Variants in HADHA observed in about 807,000 individuals in gnomAD.
HADHA encodes hydroxyacyl-CoA dehydrogenase trifunctional multienzyme complex subunit alpha.
HADHA carries 59 observed loss-of-function variants against 91.3 expected under a neutral mutation model. That is an observed-to-expected ratio of 0.65 (90% CI 0.52 to 0.80). The LOEUF is 0.80. Ranked by LOEUF, HADHA falls within the 30% of genes least tolerant of loss-of-function variation. HADHA has a pLI of 0.00. For synonymous variants in HADHA, 320 were observed against 338.9 expected (o/e 0.94, Z 0.61); for missense variants, 800 against 927.6 (o/e 0.86, Z 1.79).
chr2:26,202,967 G>A (rs1305687665), intron 12 of HADHA, among the ~76,000 whole-genome samples: 2 of 152,218 alleles, frequency 1.3e-5, no homozygotes, highest in African/African-American at 2.4e-5. Flanking sequence ...TTTCTAAGAC[G>A]AAAAGGGGAA....
At chr2:26,192,195 C>A in intron 18 of HADHA, 115 bp downstream of exon 18, 1 of 676,452 alleles carries the variant, frequency 1.5e-6, no homozygotes, top group Non-Finnish European at 2.7e-6. Context: ...CAAACCTGCA[C>A]ATGTATCCCA....
At chr2:26,218,705 A>T (rs536406828) in intron 7 of HADHA, among the ~76,000 whole-genome samples, 2 of 152,214 alleles carry the variant, frequency 1.3e-5, no homozygotes, top group South Asian at 4.1e-4. Context: ...ACACCACAGG[A>T]AAATATTATC....
intron 1 of HADHA, 147 bp from the exon 2 acceptor site, chr2:26,239,290 T>C: frequency 1.4e-6 from 1 of 692,764 alleles, no homozygotes; most frequent in South Asian, 1.6e-5. Flanking sequence ...TACTGCCATA[T>C]TTTTTCCATT....
rs138386385 is a variant in HADHA, at chr2:26,195,205, C to T, written c.1507G>A (p.Val503Met). 1.1e-5 allele frequency: 18 copies of T among 1,612,786 alleles called. No homozygotes were observed. The highest frequency in any genetic ancestry group is 1.6e-4 in the Middle Eastern group (1 of 6,084). Residue 503 changes from valine to methionine, a missense_variant, in exon 15 of 20, where the codon GTG becomes ATG. Transcript: ENST00000380649. Reference protein sequence around the residue: ...KVIGMHYFSPVDKMQLLEIIT... With the variant: ...KVIGMHYFSPMDKMQLLEIIT... ...ATCTCCAGCAGCTGCATCTTGTCCA[C>T]GGGAGAGAAGTAGTGCATGCCAATC...
chr2:26,225,172 T>C (rs1218537695), intron 7 of HADHA, among the ~76,000 whole-genome samples: 1 of 152,042 alleles, frequency 6.6e-6, no homozygotes, highest in Non-Finnish European at 1.5e-5. Flanking sequence ...ATACCAACTC[T>C]ACATAAAATC....
intron 1 of HADHA, among the ~76,000 whole-genome samples, chr2:26,241,512 G>C (rs1373839479): frequency 6.6e-6 from 1 of 151,720 alleles, no homozygotes; most frequent in Admixed American, 6.6e-5. Flanking sequence ...TTAGCTGGGC[G>C]TGGTGGCAGG....
At chr2:26,225,475 G>A (rs778294476) in intron 7 of HADHA, among the ~76,000 whole-genome samples, 29 of 150,212 alleles carry the variant, frequency 1.9e-4, no homozygotes, top group Middle Eastern at 3.5e-3. Flanking sequence ...CCAACACCAC[G>A]CAAAAATATC....
chr2:26,215,593 C>A (rs566494547), intron 7 of HADHA, among the ~76,000 whole-genome samples: 2 of 152,220 alleles, frequency 1.3e-5, no homozygotes, highest in South Asian at 4.2e-4. Flanking sequence ...AGAGCAAGAG[C>A]CTATCTTAGC....
rs1670567395 is a variant in HADHA, at chr2:26,229,463, A to G, written c.676+729T>C. The stretch of plus-strand genomic sequence containing the variant: ...GAGGGTAATGAACACACAAGTCAGA[A>G]TAGTGGCTTCTTTGGATAAAGGGAG... On this transcript the variant is annotated intron_variant, in intron 7 of 19. Transcript: ENST00000380649. This position sits in a 1 kb window ranked among gnomAD's most constrained non-coding sequence, Gnocchi z 4.3. Among the ~76,000 whole-genome samples the G allele has an allele frequency of 6.6e-6, 1 of 152,170 alleles. No homozygotes were observed. The highest frequency in any genetic ancestry group is 2.4e-5 in the African/African-American group (1 of 41,442).
At position 26,191,417 on chromosome 2, in the gene HADHA, C is replaced by T. The variant is rs181778579; in HGVS notation, c.2147-22G>A. On this transcript the variant is annotated intron_variant, in intron 19 of 19. Transcript: ENST00000380649. ...GGCCCTGAATAGAGAAAGAGGACTTCGTTGAAGGAGACGCAACACGGGCTC... is the reference window on the plus strand; with the variant it reads ...GGCCCTGAATAGAGAAAGAGGACTTTGTTGAAGGAGACGCAACACGGGCTC... 8.2e-5 allele frequency: 133 copies of T among 1,614,148 alleles called. No homozygotes were observed. In the African/African-American group the frequency reaches 1.1e-3, roughly 13 times the overall value.
At chr2:26,239,894 A>G (rs948424940) in intron 1 of HADHA, among the ~76,000 whole-genome samples, 1 of 152,306 alleles carries the variant, frequency 6.6e-6, no homozygotes, top group Admixed American at 6.5e-5. Flanking sequence ...GACTGTGAAC[A>G]AGTCTCTTAC....
At chr2:26,217,903 T>A (rs1670278794) in intron 7 of HADHA, among the ~76,000 whole-genome samples, 1 of 152,046 alleles carries the variant, frequency 6.6e-6, no homozygotes, top group Admixed American at 6.6e-5. Context: ...CAAGACCCTG[T>A]CTCAAAAAGA....
intron 7 of HADHA, among the ~76,000 whole-genome samples, chr2:26,226,356 T>C (rs902141684): frequency 1.3e-5 from 2 of 152,180 alleles, no homozygotes; most frequent in Non-Finnish European, 2.9e-5. Flanking sequence ...GCAAAGGAAC[T>C]AGTATGAGCA....
At chr2:26,200,020 G>C (rs1669789266) in intron 13 of HADHA, among the ~76,000 whole-genome samples, 2 of 152,226 alleles carry the variant, frequency 1.3e-5, no homozygotes, top group Admixed American at 1.3e-4. Context: ...AGAACACGGA[G>C]ACATGAGGAA....
rs531018441 is a variant in HADHA at position 26,210,998 on chromosome 2, C to T, written c.976-1109G>A. On this transcript the variant is annotated intron_variant, in intron 10 of 19. Transcript: ENST00000380649. The surrounding 1 kb of genome is among the most constrained non-coding windows in gnomAD (Gnocchi z 4.0). ...CCCTCTAATAAAGTTGCTTTCATGA[C>T]CCAAAAGAACATAAAATGACAACAC... 7.9e-5 allele frequency among the ~76,000 whole-genome samples: 12 copies of T among 152,210 alleles called. No homozygotes were observed. Among genetic ancestry groups the T allele is most frequent in the African/African-American group, 2.2e-4 (9 of 41,524 alleles).
intron 13 of HADHA, among the ~76,000 whole-genome samples, chr2:26,198,380 G>A (rs13399742): frequency 8.5e-6 from 1 of 117,430 alleles, no homozygotes; most frequent in Non-Finnish European, 1.8e-5. Flanking sequence ...TTTTTTTTTT[G>A]TTTTTTTTTT....
chr2:26,195,576 T>C (rs1669645041), intron 14 of HADHA, among the ~76,000 whole-genome samples: 1 of 126,588 alleles, frequency 7.9e-6, no homozygotes, highest in African/African-American at 3.2e-5. Context: ...ATGGTTTAGA[T>C]AAGAGGATCC....
chr2:26,211,458 T>C (rs1284814335), intron 10 of HADHA, among the ~76,000 whole-genome samples: 1 of 152,180 alleles, frequency 6.6e-6, no homozygotes, highest in East Asian at 1.9e-4. Context: ...ATTACACATG[T>C]TATGAGCTGC....
chr2:26,241,716 C>A (rs1558333077), intron 1 of HADHA, among the ~76,000 whole-genome samples: 1 of 151,890 alleles, frequency 6.6e-6, no homozygotes, highest in Non-Finnish European at 1.5e-5. Flanking sequence ...CCTCTAAATT[C>A]ATCTCCTGTG....
Sources: allele counts gnomAD v4.1 joint callset (sites outside exome capture counted in the v4.1 genomes callset), GRCh38; gene constraint gnomAD v4.1.1; non-coding constraint Gnocchi (gnomAD v3.1); transcripts MANE v1.5; gene names NCBI Gene and HGNC (gene_info 2026-07-23, HGNC 2026-07-21).